Variants in CNTNAP2 observed in about 807,000 individuals in gnomAD.
CNTNAP2 encodes contactin-associated protein-like 2.
CNTNAP2 carries 98 observed loss-of-function variants against 155.2 expected under a neutral mutation model. That is an observed-to-expected ratio of 0.63 (90% CI 0.54 to 0.75). The LOEUF (loss-of-function observed/expected upper bound fraction) is 0.75, where lower values mean the gene tolerates loss of function less well. Among genes scored for constraint, CNTNAP2 ranks in the 30% least tolerant of loss-of-function variants. CNTNAP2 has a pLI of 0.00. For missense variants in CNTNAP2, 1,727 were observed against 1,688.1 expected (o/e 1.02, Z -0.40); for synonymous variants, 651 against 631.2 (o/e 1.03, Z -0.47).
chr7:147,282,637 A>G (rs1449200497), intron 8 of CNTNAP2, among the ~76,000 whole-genome samples: 1 of 151,978 alleles, frequency 6.6e-6, no homozygotes, highest in Non-Finnish European at 1.5e-5. Flanking sequence ...TTAAAGGGAA[A>G]GCAAAACAAA....
At chr7:146,340,170 A>G (rs1801354938) in intron 1 of CNTNAP2, among the ~76,000 whole-genome samples, 1 of 119,266 alleles carries the variant, frequency 8.4e-6, no homozygotes, top group Non-Finnish European at 1.6e-5. Flanking sequence ...CTCCGCCTCA[A>G]AAAAAAAAAA....
chr7:146,861,030 GT>G (rs1004023084), intron 3 of CNTNAP2, among the ~76,000 whole-genome samples: 1 of 151,818 alleles, frequency 6.6e-6, no homozygotes, highest in African/African-American at 2.4e-5. Context: ...ATGGATTTCC[GT>G]TTTAATTTAT....
intron 15 of CNTNAP2, among the ~76,000 whole-genome samples, chr7:148,068,694 A>C (rs886353466): frequency 2.6e-5 from 4 of 152,132 alleles, no homozygotes; most frequent in African/African-American, 9.7e-5. Context: ...ATAATGTTAT[A>C]ATTTCCTTTT....
At chr7:148,342,773 A>T (rs1308309427) in intron 21 of CNTNAP2, among the ~76,000 whole-genome samples, 1 of 152,212 alleles carries the variant, frequency 6.6e-6, no homozygotes. Context: ...GCTTGAGGGA[A>T]AAAGGAGGTT....
intron 14 of CNTNAP2, among the ~76,000 whole-genome samples, chr7:147,943,428 A>G (rs891519062): frequency 9.9e-5 from 15 of 152,096 alleles, no homozygotes; most frequent in African/African-American, 3.1e-4. Context: ...TTATTATTCT[A>G]ATCTATTTAA....
At chr7:147,143,427 T>C (rs1247565966) in intron 8 of CNTNAP2, among the ~76,000 whole-genome samples, 3 of 152,202 alleles carry the variant, frequency 2.0e-5, no homozygotes, top group South Asian at 2.1e-4. Flanking sequence ...TATTATATTG[T>C]TAAGATATTT....
At chr7:146,772,108 C>A (rs1802302296) in intron 1 of CNTNAP2, among the ~76,000 whole-genome samples, 1 of 152,122 alleles carries the variant, frequency 6.6e-6, no homozygotes, top group South Asian at 2.1e-4. Flanking sequence ...ACTAAAACTT[C>A]ATTTCAGATA....
At chr7:146,605,522 T>A (rs1228207202) in intron 1 of CNTNAP2, among the ~76,000 whole-genome samples, 2 of 143,832 alleles carry the variant, frequency 1.4e-5, no homozygotes, top group Non-Finnish European at 3.1e-5. Context: ...AGCCAAGTTA[T>A]GTCACTAATG....
intron 18 of CNTNAP2, among the ~76,000 whole-genome samples, chr7:148,211,760 G>A (rs1795555747): frequency 6.6e-6 from 1 of 152,108 alleles, no homozygotes; most frequent in African/African-American, 2.4e-5. Flanking sequence ...ATATACAGTG[G>A]CACTCTTCAG....
At chr7:147,904,006 A>G (rs954666600) in intron 14 of CNTNAP2, among the ~76,000 whole-genome samples, 1 of 152,210 alleles carries the variant, frequency 6.6e-6, no homozygotes, top group African/African-American at 2.4e-5. Flanking sequence ...AGTGATTTGC[A>G]TTATAAAATG....
intron 3 of CNTNAP2, among the ~76,000 whole-genome samples, chr7:146,920,021 A>G (rs536835414): frequency 1.3e-5 from 2 of 152,334 alleles, no homozygotes; most frequent in East Asian, 3.9e-4. Flanking sequence ...TTAATACATA[A>G]TAATAAGATT....
intron 1 of CNTNAP2, among the ~76,000 whole-genome samples, chr7:146,590,177 G>T (rs942478092): frequency 1.3e-5 from 2 of 152,120 alleles, no homozygotes; most frequent in Non-Finnish European, 2.9e-5. Flanking sequence ...GCACTACAGG[G>T]TCATGCCACA....
At chr7:148,326,389 C>A (rs1797887669) in intron 21 of CNTNAP2, among the ~76,000 whole-genome samples, 1 of 152,080 alleles carries the variant, frequency 6.6e-6, no homozygotes, top group Admixed American at 6.6e-5. Context: ...ATAAAACAGA[C>A]ATTGCTTTCT....
chr7:147,691,296 T>C (rs1167968925), intron 13 of CNTNAP2, among the ~76,000 whole-genome samples: 1 of 152,144 alleles, frequency 6.6e-6, no homozygotes, highest in Non-Finnish European at 1.5e-5. Flanking sequence ...ATTTTTTCCG[T>C]TCTCTCTTCA....
intron 1 of CNTNAP2, among the ~76,000 whole-genome samples, chr7:146,390,574 A>C (rs1795525761): frequency 6.6e-6 from 1 of 150,414 alleles, no homozygotes; most frequent in Non-Finnish European, 1.5e-5. Flanking sequence ...ATATTCTTTC[A>C]TGTAATAAAA....
intron 1 of CNTNAP2, among the ~76,000 whole-genome samples, chr7:146,275,793 G>A (rs1800154526): frequency 6.6e-6 from 1 of 152,160 alleles, no homozygotes; most frequent in South Asian, 2.1e-4. Context: ...AGAACTGGAG[G>A]TTTCGCATTT....
At chr7:147,279,690 T>C (rs563324644) in intron 8 of CNTNAP2, among the ~76,000 whole-genome samples, 1 of 152,020 alleles carries the variant, frequency 6.6e-6, no homozygotes, top group South Asian at 2.1e-4. Flanking sequence ...CAGCTTACTA[T>C]ACACCAGGCA....
chr7:147,371,807 G>C (rs577423799), intron 9 of CNTNAP2, among the ~76,000 whole-genome samples: 1 of 152,104 alleles, frequency 6.6e-6, no homozygotes, highest in Non-Finnish European at 1.5e-5. Context: ...GTATGTATGA[G>C]AGTGTGTGCA....
intron 15 of CNTNAP2, among the ~76,000 whole-genome samples, chr7:148,004,692 T>C (rs1801945311): frequency 1.3e-5 from 2 of 152,228 alleles, no homozygotes; most frequent in Non-Finnish European, 2.9e-5. Flanking sequence ...AGCCCTGTTC[T>C]TTAATATGTA....
Sources: allele counts gnomAD v4.1 joint callset (sites outside exome capture counted in the v4.1 genomes callset), GRCh38; gene constraint gnomAD v4.1.1; transcripts MANE v1.5; gene names NCBI Gene and HGNC (gene_info 2026-07-23, HGNC 2026-07-21).